The following PLCL1 variants were observed in gnomAD, a reference collection of about 807,000 sequenced individuals.
PLCL1 encodes phospholipase C like 1 (inactive), also known as inactive phospholipase C-like protein 1.
In PLCL1, 41 loss-of-function variants were observed where a neutral mutation model predicts 84.4. The ratio of observed to expected loss-of-function variants is 0.49; its 90% CI spans 0.38 to 0.63. The LOEUF (loss-of-function observed/expected upper bound fraction) is 0.63. PLCL1 is among the 30% of genes least tolerant of loss of function. The pLI is 0.00. For missense variants in PLCL1, 1,206 were observed against 1,367.8 expected, an observed-to-expected ratio of 0.88 and a Z score of 1.87; for synonymous variants, 490 against 488.3, an observed-to-expected ratio of 1.00 and a Z score of -0.05.
At chr2:198,077,312 T>G (rs1351247962) in intron 1 of PLCL1, among the ~76,000 whole-genome samples, 1 of 152,102 alleles carries the variant, frequency 6.6e-6, no homozygotes, top group African/African-American at 2.4e-5. Context: ...TGTGCACATG[T>G]ACCCTAAAAC....
intron 1 of PLCL1, among the ~76,000 whole-genome samples, chr2:198,002,804 G>T (rs1690633487): frequency 6.6e-6 from 1 of 152,190 alleles, no homozygotes; most frequent in Admixed American, 6.5e-5. Context: ...CCTGTATTCT[G>T]CAGGCAGGTA....
intron 1 of PLCL1, among the ~76,000 whole-genome samples, chr2:197,995,163 T>C (rs1690431600): frequency 6.6e-6 from 1 of 152,222 alleles, no homozygotes. Flanking sequence ...GTCAGCCTTC[T>C]CTGTGTTATT....
intron 1 of PLCL1, among the ~76,000 whole-genome samples, chr2:197,898,046 G>T (rs578099759): frequency 6.6e-6 from 1 of 152,170 alleles, no homozygotes; most frequent in Non-Finnish European, 1.5e-5. Context: ...GAGAAGCCAC[G>T]CATTTTAGCT....
intron 1 of PLCL1, among the ~76,000 whole-genome samples, chr2:198,049,791 T>C (rs750104459): frequency 6.6e-6 from 1 of 152,212 alleles, no homozygotes; most frequent in Non-Finnish European, 1.5e-5. Flanking sequence ...TGTTAACAGA[T>C]GACAACTTCC....
chr2:198,089,091 C>CGTGT (rs112485917), intron 3 of PLCL1, 30 bp downstream of exon 3: 1 of 1,492,918 alleles, frequency 6.7e-7, no homozygotes, highest in Non-Finnish European at 9.3e-7. Context: ...TATTTTTTTA[C>CGTGT]GTGTGTGTGT....
chr2:197,805,186 C>T lies in PLCL1; in HGVS notation c.87C>T (p.Ala29=). ...ACGACCCCCGAGTGGGCCCGGATGC[C>T]GCCGGGGACTGCGTGACGGCGGCCT... ...GEDDPRVGPD[A]AGDCVTAASG... The change falls in exon 1 of 6, where the codon GCC becomes GCT. Residue 29 remains alanine, a synonymous_variant. Coordinates refer to ENST00000428675, the MANE Select transcript of PLCL1 (RefSeq NM_006226.4). The surrounding 1 kb of genome is among the most constrained non-coding windows in gnomAD (Gnocchi z 4.0). 2 of 1,280,700 alleles carry T rather than the reference C, an allele frequency of 1.6e-6. No homozygotes were observed. The highest frequency in any genetic ancestry group is 2.0e-6 in the Non-Finnish European group (2 of 1,016,080). 79.3% of individuals were successfully genotyped at this position (1,280,700 alleles called of 1,614,324 possible).
intron 1 of PLCL1, among the ~76,000 whole-genome samples, chr2:198,079,578 A>G (rs1386265966): frequency 6.6e-6 from 1 of 152,142 alleles, no homozygotes; most frequent in Non-Finnish European, 1.5e-5. Flanking sequence ...TTAACAAAAA[A>G]GTATTTGTCT....
At chr2:197,892,172 A>G (rs1414645554) in intron 1 of PLCL1, among the ~76,000 whole-genome samples, 3 of 152,192 alleles carry the variant, frequency 2.0e-5, no homozygotes, top group Non-Finnish European at 4.4e-5. Context: ...ACTCAGAGCC[A>G]ATTTTCTAGT....
intron 1 of PLCL1, among the ~76,000 whole-genome samples, chr2:197,893,120 T>G (rs1274985930): frequency 6.6e-6 from 1 of 152,254 alleles, no homozygotes; most frequent in Non-Finnish European, 1.5e-5. Context: ...TTGGTATAGT[T>G]GTTCCTTAAT....
At chr2:198,102,985 T>A (rs1693381416) in intron 4 of PLCL1, among the ~76,000 whole-genome samples, 1 of 152,068 alleles carries the variant, frequency 6.6e-6, no homozygotes, top group Non-Finnish European at 1.5e-5. Context: ...GAGCTAAAAA[T>A]ACTTTAAGGT....
intron 1 of PLCL1, among the ~76,000 whole-genome samples, chr2:198,082,295 A>G (rs1210749763): frequency 6.6e-6 from 1 of 152,086 alleles, no homozygotes; most frequent in African/African-American, 2.4e-5. Context: ...AATAATTACA[A>G]CTCAAGAACA....
intron 1 of PLCL1, among the ~76,000 whole-genome samples, chr2:198,022,967 C>T (rs1180491910): frequency 2.0e-5 from 3 of 152,174 alleles, no homozygotes; most frequent in African/African-American, 7.2e-5. Flanking sequence ...AAGAACAAAG[C>T]TGGAGGCATC....
chr2:197,849,372 C>T (rs1351804532), intron 1 of PLCL1, among the ~76,000 whole-genome samples: 1 of 152,130 alleles, frequency 6.6e-6, no homozygotes, highest in Non-Finnish European at 1.5e-5. Flanking sequence ...CGTAGAGAGA[C>T]CCCATCTCTA....
intron 1 of PLCL1, among the ~76,000 whole-genome samples, chr2:197,886,148 A>G (rs1298605655): frequency 6.6e-6 from 1 of 152,130 alleles, no homozygotes; most frequent in African/African-American, 2.4e-5. Flanking sequence ...GCAGTGGCTC[A>G]CGCCTGTAAT....
intron 1 of PLCL1, among the ~76,000 whole-genome samples, chr2:197,997,206 G>A (rs74548285): frequency 0.028 from 4,294 of 152,296 alleles, 209 homozygotes; most frequent in African/African-American, 0.097. Context: ...CACAGAGTCC[G>A]CTCCCATTTT....
At chr2:197,894,990 A>C (rs1249712001) in intron 1 of PLCL1, among the ~76,000 whole-genome samples, 1 of 152,038 alleles carries the variant, frequency 6.6e-6, no homozygotes, top group African/African-American at 2.4e-5. Flanking sequence ...GGCTTGTTGA[A>C]CTTGGAAGCT....
At chr2:198,092,715 C>G (rs1693076748) in intron 3 of PLCL1, among the ~76,000 whole-genome samples, 1 of 152,208 alleles carries the variant, frequency 6.6e-6, no homozygotes, top group Non-Finnish European at 1.5e-5. Context: ...TGTCACATAG[C>G]CATGTTTTAT....
chr2:197,901,969 CAA>C lies in PLCL1; in HGVS notation c.240+96631_240+96632del, dbSNP rs906973080. On this transcript the variant is annotated intron_variant, in intron 1 of 5. Coordinates refer to ENST00000428675, the MANE Select transcript of PLCL1 (RefSeq NM_006226.4). Reference sequence around the variant, plus strand: ...CCTATGTTAAGCACTTCTTATCAAACAAGTAACTTTGATCTATGCACATGAAA... The same window carrying C: ...CCTATGTTAAGCACTTCTTATCAAACGTAACTTTGATCTATGCACATGAAA... Among the ~76,000 whole-genome samples, 37 of 152,100 alleles carry C rather than the reference CAA, an allele frequency of 2.4e-4. 1 individual carries two copies. The highest frequency in any genetic ancestry group is 7.0e-4 in the African/African-American group (29 of 41,404).
At chr2:198,099,181 G>C (rs565758244) in intron 3 of PLCL1, among the ~76,000 whole-genome samples, 1 of 152,144 alleles carries the variant, frequency 6.6e-6, no homozygotes, top group Non-Finnish European at 1.5e-5. Context: ...TGGCTGAGTC[G>C]TGCTGACTTC....
Sources: allele counts gnomAD v4.1 joint callset (sites outside exome capture counted in the v4.1 genomes callset), GRCh38; gene constraint gnomAD v4.1.1; non-coding constraint Gnocchi (gnomAD v3.1); transcripts MANE v1.5; gene names NCBI Gene and HGNC (gene_info 2026-07-23, HGNC 2026-07-21).